MYH14: variants seen among roughly 807,000 people sequenced by gnomAD.
The protein encoded by MYH14 is myosin-14.
MYH14 carries 123 observed loss-of-function variants against 255.5 expected under a neutral mutation model. The observed-to-expected ratio is 0.48, with a 90% CI of 0.42 to 0.56. The LOEUF (loss-of-function observed/expected upper bound fraction) is 0.56, where lower values mean the gene tolerates loss of function less well. MYH14 is among the 20% of genes least tolerant of loss of function. The pLI is 0.00. For missense variants in MYH14, 2,423 were observed against 2,802.3 expected, an observed-to-expected ratio of 0.86 and a Z score of 3.06; for synonymous variants, 1,095 against 1,161.2, an observed-to-expected ratio of 0.94 and a Z score of 1.16.
At chr19:50,232,185 C>CTCAAT in intron 10 of MYH14, 115 bp downstream of exon 10, 2 of 1,338,736 alleles carry the variant, frequency 1.5e-6, no homozygotes, top group Non-Finnish European at 2.1e-6. Flanking sequence ...CTACTGGGTG[C>CTCAAT]AGGCACCGGG....
rs1402572642 is a variant in MYH14 at position 50,221,628 on chromosome 19, C to T, written c.563-1455C>T. Among the ~76,000 whole-genome samples the T allele has an allele frequency of 6.6e-6, 1 of 152,140 alleles. No individual in the cohort carries two copies. Among genetic ancestry groups the T allele is most frequent in the African/African-American group, 2.4e-5 (1 of 41,426 alleles). The stretch of plus-strand genomic sequence containing the variant: ...AGTAGCTGGGGATTATAGGTGGCGC[C>T]ACCATGCCTGGCTAATTTTTGTATT... On this transcript the variant is annotated intron_variant, in intron 3 of 42. Transcript: ENST00000642316. The surrounding 1 kb of genome is among the most constrained non-coding windows in gnomAD (Gnocchi z 5.3).
Position 50,293,118 on chromosome 19 carries a change from G to A in MYH14, c.5257-115G>A. On this transcript the variant is annotated intron_variant, in intron 37 of 42. Transcript: ENST00000642316. The surrounding 1 kb of genome is among the most constrained non-coding windows in gnomAD (Gnocchi z 4.1). ...TGCAGCTCATTCCAGGGTTACCCAGGGACAGCATGAGAAAAAAGCCAAGAG... is the reference window on the plus strand; with the variant it reads ...TGCAGCTCATTCCAGGGTTACCCAGAGACAGCATGAGAAAAAAGCCAAGAG... 2.7e-6 allele frequency: 2 copies of A among 749,304 alleles called. No individual in the cohort carries two copies. The highest frequency in any genetic ancestry group is 2.7e-5 in the East Asian group (1 of 37,290). The allele number at this position is 749,304 out of a possible 1,614,324, so 46.4% of individuals were successfully genotyped here.
chr19:50,257,241 A>G, intron 17 of MYH14, 58 bp from the exon 18 acceptor site: 1 of 1,442,640 alleles, frequency 6.9e-7, no homozygotes. Flanking sequence ...CCTTTGGCCC[A>G]GGTCCCTAAA....
At chr19:50,228,979 G>A (rs1169617888) in intron 8 of MYH14, among the ~76,000 whole-genome samples, 1 of 152,176 alleles carries the variant, frequency 6.6e-6, no homozygotes, top group African/African-American at 2.4e-5. Flanking sequence ...CTTTTCTGGA[G>A]TGCTGACTGT....
chr19:50,286,921 C>A (rs2035910878), intron 34 of MYH14, among the ~76,000 whole-genome samples: 1 of 152,124 alleles, frequency 6.6e-6, no homozygotes, highest in Admixed American at 6.5e-5. Context: ...AGCTCAAGAC[C>A]AGCCTGGCCA....
chr19:50,228,313 A>G (rs933627726), intron 8 of MYH14, among the ~76,000 whole-genome samples: 3 of 152,090 alleles, frequency 2.0e-5, no homozygotes, highest in African/African-American at 7.2e-5. Context: ...TAAATTAGCA[A>G]TATCTGTATC....
intron 2 of MYH14, among the ~76,000 whole-genome samples, chr19:50,214,799 A>C (rs1490084675): frequency 6.6e-6 from 1 of 151,906 alleles, no homozygotes; most frequent in Non-Finnish European, 1.5e-5. Flanking sequence ...CCGTCCAAAA[A>C]ATTCCGAGTT....
intron 40 of MYH14, among the ~76,000 whole-genome samples, chr19:50,303,172 T>G (rs952450196): frequency 1.3e-5 from 2 of 152,222 alleles, no homozygotes; most frequent in Non-Finnish European, 2.9e-5. Context: ...TTGGGCTTGG[T>G]GGGCTTCACT....
At chr19:50,264,783 C>T (rs1431147930) in intron 22 of MYH14, among the ~76,000 whole-genome samples, 1 of 152,174 alleles carries the variant, frequency 6.6e-6, no homozygotes. Flanking sequence ...ATGTGACCAT[C>T]CCAGAGCCAG....
rs530166357 is a variant in MYH14, at chr19:50,245,759, T to C, written c.1211-1245T>C. Among the ~76,000 whole-genome samples, 22 of 152,350 alleles carry C rather than the reference T, an allele frequency of 1.4e-4. No individual in the cohort carries two copies. In the East Asian group the frequency reaches 4.2e-3, roughly 29 times the overall value. ...TGGTAACAGCATTACCTGAGGCACC[T>C]GGGGGCTCTGTACATAGGCACCCAG... On this transcript the variant is annotated intron_variant, in intron 11 of 42. Coordinates refer to ENST00000642316, the MANE Select transcript of MYH14 (RefSeq NM_001145809.2).
At chr19:50,286,172 A>C (rs2035881850) in intron 33 of MYH14, 3 of 222,700 alleles carry the variant, frequency 1.3e-5, no homozygotes, top group Non-Finnish European at 1.8e-5. Context: ...AAAAAAAAAC[A>C]GTAAAGGTTG....
rs1267351610 is a variant in MYH14, at chr19:50,221,962, T to C, written c.563-1121T>C. Among the ~76,000 whole-genome samples the C allele has an allele frequency of 6.6e-6, 1 of 152,152 alleles. No homozygotes were observed. The highest frequency in any genetic ancestry group is 1.5e-5 in the Non-Finnish European group (1 of 68,030). ...TTCCCCCAAGTCAATTCTTATTACC[T>C]AACACCAGGGTTTTGGAATCCTGGC... On this transcript the variant is annotated intron_variant, in intron 3 of 42. Coordinates refer to ENST00000642316, the MANE Select transcript of MYH14 (RefSeq NM_001145809.2). The surrounding 1 kb of genome is among the most constrained non-coding windows in gnomAD (Gnocchi z 5.3).
intron 40 of MYH14, among the ~76,000 whole-genome samples, chr19:50,305,898 C>T (rs1030282043): frequency 6.6e-6 from 1 of 152,180 alleles, no homozygotes; most frequent in Non-Finnish European, 1.5e-5. Context: ...CACCATTGCA[C>T]TCCTGTCTGG....
intron 10 of MYH14, among the ~76,000 whole-genome samples, chr19:50,239,496 G>A (rs945318758): frequency 2.0e-5 from 3 of 152,124 alleles, no homozygotes; most frequent in Admixed American, 1.3e-4. Context: ...CGTTTTTGGC[G>A]GGAGTATTCC....
intron 24 of MYH14, among the ~76,000 whole-genome samples, chr19:50,269,851 T>C (rs567689772): frequency 1.3e-5 from 2 of 152,264 alleles, no homozygotes; most frequent in Non-Finnish European, 1.5e-5. Context: ...ACCTTATCTA[T>C]GGGAGCAGAG....
rs911210577 is a variant in MYH14, at chr19:50,309,906, T to C, written c.*116T>C. The C allele has an allele frequency of 5.4e-6, 6 of 1,109,068 alleles. No homozygotes were observed. Among genetic ancestry groups the C allele is most frequent in the Non-Finnish European group, 8.0e-6 (6 of 746,326 alleles). 68.7% of individuals were successfully genotyped at this position (1,109,068 alleles called of 1,614,324 possible). ...CTGACTTCTTGCCCTTTGGAAATGG[T>C]GCAGCACTCTGGCATTTATCACCCC... is the stretch of plus-strand genomic sequence containing the variant. On this transcript the variant is annotated 3_prime_UTR_variant, in exon 43 of 43. Transcript: ENST00000642316.
chr19:50,232,763 G>A (rs887916267), intron 10 of MYH14, among the ~76,000 whole-genome samples: 8 of 152,038 alleles, frequency 5.3e-5, no homozygotes, highest in Admixed American at 1.3e-4. Context: ...TGTGGGGGAA[G>A]AGCATTCCTG....
chr19:50,262,808 C>T (rs924391077), intron 21 of MYH14, among the ~76,000 whole-genome samples: 14 of 151,870 alleles, frequency 9.2e-5, no homozygotes, highest in African/African-American at 3.4e-4. Context: ...CAGAGAGAGT[C>T]GGGAGCAGGG....
intron 10 of MYH14, among the ~76,000 whole-genome samples, chr19:50,235,903 C>T (rs1192914521): frequency 6.6e-6 from 1 of 152,082 alleles, no homozygotes. Context: ...AGTTGTGGTT[C>T]AAAATAGATG....
Sources: gnomAD v4.1 joint callset for allele counts (sites outside exome capture counted in the v4.1 genomes callset) on GRCh38, gnomAD v4.1.1 for gene constraint, Gnocchi (gnomAD v3.1) non-coding constraint, MANE v1.5 for transcripts, NCBI Gene and HGNC (gene_info 2026-07-23, HGNC 2026-07-21) for gene names.